FER1L5: variants seen among roughly 807,000 people sequenced by gnomAD.
FER1L5 encodes the protein fer-1 like family member 5.
In FER1L5, 187 loss-of-function variants were observed where a neutral mutation model predicts 279.9. That is an observed-to-expected ratio of 0.67 (90% CI 0.59 to 0.75). FER1L5 has a LOEUF of 0.75. Ranked by LOEUF, FER1L5 falls within the 30% of genes least tolerant of loss-of-function variation. FER1L5 has a pLI of 0.00. For missense variants in FER1L5, 2,091 were observed against 2,594.4 expected (o/e 0.81, Z 4.21); for synonymous variants, 921 against 989.7 (o/e 0.93, Z 1.30).
Position 96,703,071 on chromosome 2 carries a change from T to C in FER1L5, c.5491T>C (p.Phe1831Leu). ...WDNDIFSPDDFLGVLELDLSD... is the reference protein window; with the variant it reads ...WDNDIFSPDDLLGVLELDLSD... Reference sequence around the variant, plus strand: ...CAATGACATCTTCTCCCCCGACGACTTCCTAGGTGAGGTCCTGACACAGGG... The same window carrying C: ...CAATGACATCTTCTCCCCCGACGACCTCCTAGGTGAGGTCCTGACACAGGG... Residue 1831 changes from phenylalanine to leucine, a missense_variant, in exon 49 of 53, where the codon TTC (phenylalanine) becomes CTC (leucine). Coordinates refer to ENST00000624922, the MANE Select transcript of FER1L5 (RefSeq NM_001293083.2). 6.2e-7 allele frequency: 1 copy of C among 1,613,728 alleles called. No homozygotes were observed. Among genetic ancestry groups the C allele is most frequent in the Non-Finnish European group, 8.5e-7 (1 of 1,179,762 alleles).
chr2:96,656,159 A>C (rs1404573515), intron 9 of FER1L5, among the ~76,000 whole-genome samples: 1 of 152,196 alleles, frequency 6.6e-6, no homozygotes, highest in Non-Finnish European at 1.5e-5. Context: ...TCAAATCTCA[A>C]GCATCACATC....
At chr2:96,643,674 T>C (rs1027325433) in intron 1 of FER1L5, among the ~76,000 whole-genome samples, 3 of 151,172 alleles carry the variant, frequency 2.0e-5, no homozygotes, top group Non-Finnish European at 4.4e-5. Flanking sequence ...ATATGTACAA[T>C]GATGTCTGCT....
At chr2:96,696,180 A>T in intron 37 of FER1L5, 103 bp downstream of exon 37, 1 of 1,482,926 alleles carries the variant, frequency 6.7e-7, no homozygotes, top group South Asian at 1.2e-5. Flanking sequence ...ACCCGTGCCC[A>T]ACTGTGAGGC....
At chr2:96,684,694 A>T (rs1417528938) in intron 20 of FER1L5, among the ~76,000 whole-genome samples, 1 of 152,184 alleles carries the variant, frequency 6.6e-6, no homozygotes, top group Non-Finnish European at 1.5e-5. Context: ...GTGCAGTGCA[A>T]CTAGGGCTAT....
chr2:96,648,269 A>G (rs1356402355), intron 4 of FER1L5, among the ~76,000 whole-genome samples: 1 of 152,246 alleles, frequency 6.6e-6, no homozygotes, highest in East Asian at 1.9e-4. Context: ...ACAGATTTAC[A>G]GAGGGGGTGA....
Position 96,669,091 on chromosome 2 carries a change from T to A in FER1L5, c.1316T>A (p.Leu439Gln). 1 of 1,551,680 alleles carries A rather than the reference T, an allele frequency of 6.4e-7. No individual in the cohort carries two copies. ...TGCTTTGGCCCCAGCTTCCTGACTC[T>A]GCATGGGGGTAAAAAGGCCCCTTTC... ...LPCFGPSFLT[L>Q]HGGKKAPFRI... Residue 439 changes from leucine to glutamine, a missense_variant, in exon 17 of 53, where the codon CTG becomes CAG. By Grantham distance (113) the Leu-to-Gln change is moderately radical (BLOSUM62 -2). Transcript: ENST00000624922.
chr2:96,646,030 G>C (rs1330295593), intron 1 of FER1L5, among the ~76,000 whole-genome samples: 1 of 114,060 alleles, frequency 8.8e-6, no homozygotes, highest in Non-Finnish European at 1.7e-5. Flanking sequence ...ACAGAGTCTT[G>C]CTCTGTCACC....
Position 96,691,321 on chromosome 2 carries a change from C to T in FER1L5, c.2875C>T (p.His959Tyr), listed in dbSNP as rs925531362. 6.5e-6 allele frequency: 10 copies of T among 1,550,250 alleles called. No homozygotes were observed. The Admixed American group carries it at 2.0e-4, about 30-fold the overall frequency. Residue 959 changes from histidine (H) to tyrosine (Y), a missense_variant, in exon 28 of 53, where the codon CAC becomes TAC. His to Tyr is a moderately conservative substitution (Grantham distance 83). Transcript: ENST00000624922. This position sits in a 1 kb window ranked among gnomAD's most constrained non-coding sequence, Gnocchi z 6.0. Reference protein sequence around the residue: ...VRFRNHGELSHEQETLSFLQL... With the variant: ...VRFRNHGELSYEQETLSFLQL... ...CTTCAGGAACCATGGGGAGCTGAGC[C>T]ACGAGCAGGAGACCCTCTCCTTCCT...
Position 96,702,239 on chromosome 2 carries a change from C to T in FER1L5, c.5160-67C>T, listed in dbSNP as rs1489889590. 1.3e-6 allele frequency: 2 copies of T among 1,578,868 alleles called. No homozygotes were observed. Among genetic ancestry groups the T allele is most frequent in the Non-Finnish European group, 1.7e-6 (2 of 1,163,048 alleles). On this transcript the variant is annotated intron_variant, in intron 46 of 52. Coordinates refer to ENST00000624922, the MANE Select transcript of FER1L5 (RefSeq NM_001293083.2). This position sits in a 1 kb window ranked among gnomAD's most constrained non-coding sequence, Gnocchi z 4.0. ...ACACAGGGCAGCCTCCCAGGCTTCTCTGCCCTCACTGAGGCTGCAGCTGGG... is the reference window on the plus strand; with the variant it reads ...ACACAGGGCAGCCTCCCAGGCTTCTTTGCCCTCACTGAGGCTGCAGCTGGG...
intron 23 of FER1L5, among the ~76,000 whole-genome samples, chr2:96,686,843 G>A (rs866013400): frequency 7.8e-6 from 1 of 127,664 alleles, no homozygotes; most frequent in African/African-American, 3.1e-5. Context: ...GTGACAGAGC[G>A]AGACTCCGTC....
At position 96,704,213 on chromosome 2, in the gene FER1L5, AG is replaced by A. The variant is rs764586300; in HGVS notation, c.5802-1del. 6.8e-6 allele frequency: 11 copies of A among 1,613,816 alleles called. No individual in the cohort carries two copies. Among genetic ancestry groups the A allele is most frequent in the Non-Finnish European group, 9.3e-6 (11 of 1,179,870 alleles). On this transcript the variant is annotated splice_acceptor_variant, in intron 51 of 52. Coordinates refer to ENST00000624922, the MANE Select transcript of FER1L5 (RefSeq NM_001293083.2). LOFTEE classifies it high-confidence loss of function. ...TCTGACATCTCCCTGGCTCCTGGAC[AG>A]ACGCACCAACACCTCTTTCACGTGG... is the stretch of plus-strand genomic sequence containing the variant.
chr2:96,651,024 C>T (rs2106442375), intron 6 of FER1L5, among the ~76,000 whole-genome samples: 1 of 152,356 alleles, frequency 6.6e-6, no homozygotes, highest in South Asian at 2.1e-4. Flanking sequence ...ACCAAAGTGT[C>T]CTTTCAAAGA....
rs1269516861 is a variant in FER1L5 at position 96,690,506 on chromosome 2, C to T, written c.2660C>T (p.Ala887Val). 1 of 1,551,476 alleles carries T rather than the reference C, an allele frequency of 6.4e-7. No individual in the cohort carries two copies. The highest frequency in any genetic ancestry group is 2.0e-5 in the Admixed American group (1 of 50,982). Residue 887 changes from alanine (A) to valine (V), a missense_variant, in exon 27 of 53, where the codon GCC becomes GTC. By Grantham distance (64) the Ala-to-Val change is moderately conservative. Transcript: ENST00000624922. Reference sequence around the variant, plus strand: ...CTGCAGAATGGACAGCCCATGGAGGCCCGGGAGAACGTGAAGTGCCCCCAA... The same window carrying T: ...CTGCAGAATGGACAGCCCATGGAGGTCCGGGAGAACGTGAAGTGCCCCCAA... ...NTDVNGQPME[A>V]RENVKCPQGW...
chr2:96,650,227 A>G lies in FER1L5; in HGVS notation c.442A>G (p.Lys148Glu). 6.4e-7 allele frequency: 1 copy of G among 1,551,748 alleles called. No homozygotes were observed. Among genetic ancestry groups the G allele is most frequent in the Non-Finnish European group, 8.7e-7 (1 of 1,147,000 alleles). ...GITAREAASQ[K>E]LMVPGSTAHR... ...AACGGCAAGAGAGGCAGCCAGTCAG[A>G]AACTGATGGTCCCTGGCTCCACTGC... Residue 148 changes from lysine (K) to glutamate (E), a missense_variant, in exon 6 of 53, where the codon AAA becomes GAA. By Grantham distance (56) the Lys-to-Glu change is moderately conservative. Coordinates refer to ENST00000624922, the MANE Select transcript of FER1L5 (RefSeq NM_001293083.2).
Position 96,689,641 on chromosome 2 carries a change from C to A in FER1L5, c.2526-3C>A. 6.4e-7 allele frequency: 1 copy of A among 1,550,848 alleles called. No homozygotes were observed. Among genetic ancestry groups the A allele is most frequent in the South Asian group, 1.2e-5 (1 of 84,022 alleles). Reference sequence around the variant, plus strand: ...TGGGAACTTGGGGTCTCATTACCCCCAGGCTCCTCCTGGACATAGACATCA... The same window carrying A: ...TGGGAACTTGGGGTCTCATTACCCCAAGGCTCCTCCTGGACATAGACATCA... On this transcript the variant is annotated splice_region_variant and splice_polypyrimidine_tract_variant and intron_variant, in intron 25 of 52. Transcript: ENST00000624922. This position sits in a 1 kb window ranked among gnomAD's most constrained non-coding sequence, Gnocchi z 4.6.
intron 4 of FER1L5, among the ~76,000 whole-genome samples, chr2:96,648,089 A>G (rs2075214621): frequency 6.6e-6 from 1 of 152,192 alleles, no homozygotes; most frequent in Admixed American, 6.5e-5. Flanking sequence ...ATTGGGAGTC[A>G]ACCACTGTGC....
intron 19 of FER1L5, among the ~76,000 whole-genome samples, chr2:96,680,058 C>T (rs1313161398): frequency 6.6e-6 from 1 of 152,120 alleles, no homozygotes; most frequent in Non-Finnish European, 1.5e-5. Context: ...TAGTCGTGTC[C>T]CGCAGGTGGC....
At position 96,694,090 on chromosome 2, in the gene FER1L5, C is replaced by T; in HGVS notation, c.3636+18C>T. 6.5e-7 allele frequency: 1 copy of T among 1,534,482 alleles called. No individual in the cohort carries two copies. The highest frequency in any genetic ancestry group is 2.4e-5 in the East Asian group (1 of 40,900). On this transcript the variant is annotated intron_variant, in intron 33 of 52. Coordinates refer to ENST00000624922, the MANE Select transcript of FER1L5 (RefSeq NM_001293083.2). The surrounding 1 kb of genome is among the most constrained non-coding windows in gnomAD (Gnocchi z 4.6). ...AGACTGAGGTATTGGGAGAGAGGGC[C>T]TGGCTGGGAAGTGTGGCACTCAGTG...
intron 9 of FER1L5, among the ~76,000 whole-genome samples, chr2:96,659,291 T>TTCCTTCCC (rs1558852464): frequency 3.6e-5 from 1 of 27,612 alleles, no homozygotes; most frequent in Non-Finnish European, 1.0e-4. Context: ...TTATCAAGCT[T>TTCCTTCCC]TCCTTCCTTC....
Sources: gnomAD v4.1 joint callset for allele counts (sites outside exome capture counted in the v4.1 genomes callset) on GRCh38, gnomAD v4.1.1 for gene constraint, Gnocchi (gnomAD v3.1) non-coding constraint, MANE v1.5 for transcripts, NCBI Gene and HGNC (gene_info 2026-07-23, HGNC 2026-07-21) for gene names.